The following CDC25C variants were observed in gnomAD, a reference collection of about 807,000 sequenced individuals.
CDC25C encodes the protein M-phase inducer phosphatase 3.
A neutral mutation model predicts 52.5 loss-of-function variants in CDC25C; 48 were observed. That is an observed-to-expected ratio of 0.91 (90% confidence interval 0.72 to 1.16). CDC25C has a LOEUF of 1.16. CDC25C is among the 50% of genes most tolerant of loss of function. The pLI, the probability that CDC25C is intolerant of heterozygous loss-of-function variation, is 0.00. For synonymous variants in CDC25C, 187 were observed against 206.5 expected (o/e 0.91, Z 0.81); for missense variants, 510 against 566.1 (o/e 0.90, Z 1.01).
At chr5:138,307,568 C>G (rs962935989) in intron 7 of CDC25C, among the ~76,000 whole-genome samples, 3 of 148,486 alleles carry the variant, frequency 2.0e-5, no homozygotes, top group African/African-American at 7.4e-5. Flanking sequence ...GAGTTACAAT[C>G]TAAGAAAATG....
chr5:138,293,806 C>T (rs140420110), intron 7 of CDC25C, among the ~76,000 whole-genome samples: 22 of 151,822 alleles, frequency 1.4e-4, no homozygotes, highest in African/African-American at 5.3e-4. Context: ...ATCACCATGC[C>T]CAGCCAATTT....
At chr5:138,304,703 T>A (rs1461391646) in intron 7 of CDC25C, among the ~76,000 whole-genome samples, 1 of 152,048 alleles carries the variant, frequency 6.6e-6, no homozygotes, top group African/African-American at 2.4e-5. Context: ...TGATGAGGTT[T>A]TGCTATGTTG....
intron 7 of CDC25C, among the ~76,000 whole-genome samples, chr5:138,307,743 T>C (rs1239560111): frequency 6.6e-6 from 1 of 152,108 alleles, no homozygotes; most frequent in Non-Finnish European, 1.5e-5. Flanking sequence ...CTGGACAATA[T>C]AGAAGACCCT....
chr5:138,309,814 C>T (rs1758308635), intron 7 of CDC25C, among the ~76,000 whole-genome samples: 1 of 148,854 alleles, frequency 6.7e-6, no homozygotes, highest in African/African-American at 2.5e-5. Context: ...TCAAGCGATT[C>T]CCCTGCCTCA....
chr5:138,308,322 A>C (rs1003753870), intron 7 of CDC25C, among the ~76,000 whole-genome samples: 1 of 152,248 alleles, frequency 6.6e-6, no homozygotes, highest in South Asian at 2.1e-4. Flanking sequence ...ACTGTACTGT[A>C]CTTAATTTCA....
chr5:138,330,195 ATTT>A (rs879534356), intron 2 of CDC25C, among the ~76,000 whole-genome samples: 124 of 147,466 alleles, frequency 8.4e-4, no homozygotes, highest in African/African-American at 2.9e-3. Context: ...GAAACAGATA[ATTT>A]TTTTTTTTTT....
At chr5:138,311,668 AC>A (rs1554117494) in intron 7 of CDC25C, among the ~76,000 whole-genome samples, 5 of 152,204 alleles carry the variant, frequency 3.3e-5, no homozygotes, top group Non-Finnish European at 7.3e-5. Context: ...CAGATATGAC[AC>A]CAAAAGCACA....
chr5:138,312,090 A>T (rs1758496150), intron 7 of CDC25C, among the ~76,000 whole-genome samples: 1 of 152,230 alleles, frequency 6.6e-6, no homozygotes. Flanking sequence ...ACCCTTGTGC[A>T]TTGCTGGTGG....
At chr5:138,313,241 C>T (rs1018887425) in intron 7 of CDC25C, among the ~76,000 whole-genome samples, 2 of 151,758 alleles carry the variant, frequency 1.3e-5, no homozygotes, top group East Asian at 1.9e-4. Flanking sequence ...TAGCCGGCCA[C>T]GGTGGGGCAT....
rs557713245 is a variant in CDC25C, at chr5:138,287,961, G to A, written c.928-694C>T. Among the ~76,000 whole-genome samples the A allele has an allele frequency of 9.9e-5, 15 of 152,234 alleles. 1 individual carries two copies. Among genetic ancestry groups the A allele is most frequent in the Non-Finnish European group, 2.2e-4 (15 of 68,030 alleles). On this transcript the variant is annotated intron_variant, in intron 10 of 13. Coordinates refer to ENST00000323760, the MANE Select transcript of CDC25C (RefSeq NM_001790.5). ...GTAAAATAAATTGTACATGTCAGTA[G>A]AATAGAGCGGCATTATATAGCCATT... is the stretch of plus-strand genomic sequence containing the variant.
In CDC25C at chr5:138,292,088, G is replaced by C. The variant is rs765926396; in HGVS notation, c.644C>G (p.Pro215Arg). Reference protein sequence around the residue: ...KVSRSGLYRSPSMPENLNRPR... With the variant: ...KVSRSGLYRSRSMPENLNRPR... ...CCTGTTCAAGTTCTCTGGCATCGAC[G>C]GGGAGCGATATAGGCCACTTCTGCT... Residue 215 changes from proline (P) to arginine (R), a missense_variant, in exon 8 of 14, where the codon CCG becomes CGG. Physicochemically the swap from Pro to Arg is moderately radical, Grantham distance 103 (BLOSUM62 -2). Coordinates refer to ENST00000323760, the MANE Select transcript of CDC25C (RefSeq NM_001790.5). 6.2e-7 allele frequency: 1 copy of C among 1,612,522 alleles called. No homozygotes were observed. The highest frequency in any genetic ancestry group is 8.5e-7 in the Non-Finnish European group (1 of 1,179,308).
chr5:138,334,360 C>A (rs1421338785), upstream of CDC25C, among the ~76,000 whole-genome samples: 2 of 151,924 alleles, frequency 1.3e-5, no homozygotes, highest in East Asian at 1.9e-4. Context: ...AAAACAACAA[C>A]AAAAAAACTT....
intron 7 of CDC25C, among the ~76,000 whole-genome samples, chr5:138,311,270 T>G (rs1283473278): frequency 1.3e-5 from 2 of 152,146 alleles, no homozygotes; most frequent in Non-Finnish European, 2.9e-5. Context: ...AGACCTAAAC[T>G]TAAGAGCTAT....
intron 7 of CDC25C, among the ~76,000 whole-genome samples, chr5:138,311,931 C>G (rs1272672985): frequency 6.6e-6 from 1 of 151,886 alleles, no homozygotes; most frequent in South Asian, 2.1e-4. Context: ...ATACAAATGG[C>G]CAGGAAGCAT....
intron 7 of CDC25C, among the ~76,000 whole-genome samples, chr5:138,306,257 A>T (rs1278399837): frequency 6.6e-6 from 1 of 152,062 alleles, no homozygotes. Context: ...AACTTGAAAA[A>T]AATTTTTGTT....
At chr5:138,292,538 T>C (rs1458553685) in intron 7 of CDC25C, among the ~76,000 whole-genome samples, 3 of 143,278 alleles carry the variant, frequency 2.1e-5, no homozygotes, top group Admixed American at 1.4e-4. Flanking sequence ...TCCTAGGACA[T>C]TGACAATCAG....
chr5:138,320,337 G>A (rs1380400254), intron 6 of CDC25C, among the ~76,000 whole-genome samples: 3 of 151,682 alleles, frequency 2.0e-5, no homozygotes, highest in African/African-American at 7.3e-5. Flanking sequence ...TAAAATAAAA[G>A]CAAGGACTCA....
chr5:138,330,600 C>T (rs1269355714), intron 2 of CDC25C, among the ~76,000 whole-genome samples: 2 of 152,124 alleles, frequency 1.3e-5, no homozygotes, highest in Non-Finnish European at 2.9e-5. Flanking sequence ...CTCCACCTCC[C>T]GGGCTCAAGC....
rs765372200 is a variant in CDC25C, at chr5:138,290,662, G to A, written c.841C>T (p.His281Tyr). ...ACCTTGGAAAAATCACCAATCAGGT[G>A]CCCCTGGTTAGAATCTTCCTCCAGC... is the stretch of plus-strand genomic sequence containing the variant. ...QMLEEDSNQG[H>Y]LIGDFSKVCA... The change falls in exon 9 of 14, where the codon CAC becomes TAC. Residue 281 changes from histidine to tyrosine, a missense_variant. Coordinates refer to ENST00000323760, the MANE Select transcript of CDC25C (RefSeq NM_001790.5). 2 of 1,606,940 alleles carry A rather than the reference G, an allele frequency of 1.2e-6. No individual in the cohort carries two copies. Among genetic ancestry groups the A allele is most frequent in the Non-Finnish European group, 1.7e-6 (2 of 1,173,602 alleles).
Sources: gnomAD v4.1 joint callset for allele counts (sites outside exome capture counted in the v4.1 genomes callset) on GRCh38, gnomAD v4.1.1 for gene constraint, MANE v1.5 for transcripts, NCBI Gene and HGNC (gene_info 2026-07-23, HGNC 2026-07-21) for gene names.